PTPRM: variants seen among roughly 807,000 people sequenced by gnomAD.
The protein encoded by PTPRM is receptor-type tyrosine-protein phosphatase mu.
A neutral mutation model predicts 186.7 loss-of-function variants in PTPRM; 47 were observed. The ratio of observed to expected loss-of-function variants is 0.25; its 90% CI spans 0.20 to 0.32. The LOEUF is 0.32. Among genes scored for constraint, PTPRM ranks in the 10% least tolerant of loss-of-function variants. The pLI is 1.00. For missense variants in PTPRM, 1,494 were observed against 1,865.0 expected (o/e 0.80, Z 3.66); for synonymous variants, 668 against 674.9 (o/e 0.99, Z 0.16).
intron 14 of PTPRM, among the ~76,000 whole-genome samples, chr18:8,160,949 G>T (rs1467666764): frequency 6.6e-6 from 1 of 152,168 alleles, no homozygotes; most frequent in African/African-American, 2.4e-5. Context: ...AATGTTCTTT[G>T]TTCTTTATCC....
At chr18:7,672,616 T>C (rs2039243454) in intron 1 of PTPRM, among the ~76,000 whole-genome samples, 1 of 152,192 alleles carries the variant, frequency 6.6e-6, no homozygotes, top group African/African-American at 2.4e-5. Flanking sequence ...GCTGTGAGCT[T>C]ACATAGTCCT....
chr18:8,196,955 A>G (rs1251967746), intron 14 of PTPRM, among the ~76,000 whole-genome samples: 1 of 152,248 alleles, frequency 6.6e-6, no homozygotes, highest in Non-Finnish European at 1.5e-5. Flanking sequence ...AGAACCATGA[A>G]GGATGCTAAG....
At chr18:7,572,418 G>C (rs2036586523) in intron 1 of PTPRM, among the ~76,000 whole-genome samples, 1 of 152,106 alleles carries the variant, frequency 6.6e-6, no homozygotes, top group Admixed American at 6.5e-5. Context: ...GACAATTCTA[G>C]AAAAGTCAAT....
intron 14 of PTPRM, among the ~76,000 whole-genome samples, chr18:8,213,414 C>A (rs923516352): frequency 2.6e-5 from 4 of 152,162 alleles, no homozygotes; most frequent in African/African-American, 9.7e-5. Flanking sequence ...TTAACGGTCA[C>A]CCGTGTTTAT....
intron 20 of PTPRM, among the ~76,000 whole-genome samples, chr18:8,306,802 TTGTC>T (rs1331025829): frequency 1.4e-4 from 22 of 152,314 alleles, no homozygotes; most frequent in African/African-American, 5.3e-4. Flanking sequence ...TTTGGATTCT[TTGTC>T]TGAGTGTCTC....
intron 14 of PTPRM, among the ~76,000 whole-genome samples, chr18:8,149,719 G>A (rs1486948945): frequency 2.6e-5 from 4 of 152,158 alleles, no homozygotes; most frequent in African/African-American, 4.8e-5. Context: ...TTGCCCGTTA[G>A]TTCATATAAT....
At position 7,603,661 on chromosome 18, in the gene PTPRM, G is replaced by T. The variant is rs746468812; in HGVS notation, c.73+35770G>T. Among the ~76,000 whole-genome samples the T allele has an allele frequency of 6.7e-4, 102 of 152,336 alleles. No homozygotes were observed. In the Middle Eastern group the frequency reaches 0.017, roughly 25 times the overall value. ...TTTCTGTTCCTCCAACTTCCTTTCT[G>T]TAATGCCAGTTGGTAGCTTTGGCTT... On this transcript the variant is annotated intron_variant, in intron 1 of 32. Transcript: ENST00000580170.
chr18:8,085,793 A>G lies in PTPRM; in HGVS notation c.1674A>G (p.Thr558=), dbSNP rs2090401795. 2 of 1,613,556 alleles carry G rather than the reference A, an allele frequency of 1.2e-6. No homozygotes were observed. The highest frequency in any genetic ancestry group is 1.7e-6 in the Non-Finnish European group (2 of 1,179,648). ...FLFFGLYPGT[T]YSFTIRASTA... ...TTTTTGGACTGTATCCGGGGACCAC[A>G]TACTCCTTTACCATCCGAGCTAGCA... The change falls in exon 10 of 33, where the codon ACA becomes ACG. Residue 558 remains threonine (T), a synonymous_variant. Transcript: ENST00000580170.
chr18:7,650,036 C>T (rs913001470), intron 1 of PTPRM, among the ~76,000 whole-genome samples: 2 of 152,030 alleles, frequency 1.3e-5, no homozygotes, highest in African/African-American at 4.8e-5. Context: ...AATTATGTGA[C>T]TCAGTTTATT....
chr18:7,988,202 T>G (rs769931939), intron 7 of PTPRM, among the ~76,000 whole-genome samples: 1 of 151,848 alleles, frequency 6.6e-6, no homozygotes, highest in Non-Finnish European at 1.5e-5. Context: ...TCATTTCAAA[T>G]TCTGAGCTAG....
chr18:7,818,865 C>T (rs530568538), intron 2 of PTPRM, among the ~76,000 whole-genome samples: 98 of 152,242 alleles, frequency 6.4e-4, no homozygotes, highest in Non-Finnish European at 5.6e-4. Flanking sequence ...ATTCATGTTC[C>T]AGTAGAGCTG....
intron 1 of PTPRM, among the ~76,000 whole-genome samples, chr18:7,768,221 C>A (rs193054954): frequency 6.6e-6 from 1 of 152,100 alleles, no homozygotes; most frequent in Admixed American, 6.5e-5. Flanking sequence ...GTAGGATCTG[C>A]GCATGGTGGC....
At chr18:7,824,378 C>T (rs1180267546) in intron 2 of PTPRM, among the ~76,000 whole-genome samples, 2 of 152,078 alleles carry the variant, frequency 1.3e-5, no homozygotes, top group Non-Finnish European at 2.9e-5. Flanking sequence ...GTCTCAGGTG[C>T]ACCAGGCAGC....
At chr18:7,716,319 C>T (rs564238919) in intron 1 of PTPRM, among the ~76,000 whole-genome samples, 139 of 151,196 alleles carry the variant, frequency 9.2e-4, no homozygotes, top group African/African-American at 3.3e-3. Flanking sequence ...TGTAGAAAAC[C>T]TTTTACAAAA....
At chr18:8,033,227 G>T (rs568032627) in intron 7 of PTPRM, among the ~76,000 whole-genome samples, 3 of 152,022 alleles carry the variant, frequency 2.0e-5, no homozygotes, top group African/African-American at 7.2e-5. Flanking sequence ...ATTATAACAG[G>T]CAATTTGTGA....
rs757929460 is a variant in PTPRM, at chr18:7,894,502, C to A, written c.468+6125C>A. Among the ~76,000 whole-genome samples, 45 of 151,910 alleles carry A rather than the reference C, an allele frequency of 3.0e-4. 1 individual carries two copies. Among genetic ancestry groups the A allele is most frequent in the Non-Finnish European group, 5.7e-4 (39 of 68,000 alleles). On this transcript the variant is annotated intron_variant, in intron 3 of 32. Coordinates refer to ENST00000580170, the MANE Select transcript of PTPRM (RefSeq NM_001105244.2). The stretch of plus-strand genomic sequence containing the variant: ...TCGGGAGGCTGAGGCAGGAGAATGG[C>A]GTGAACCTGGCAGGCAGAGCTTGCA...
intron 23 of PTPRM, among the ~76,000 whole-genome samples, chr18:8,348,540 A>G (rs1183891368): frequency 3.9e-5 from 6 of 152,200 alleles, no homozygotes; most frequent in Non-Finnish European, 7.3e-5. Context: ...ATGGCGCTGG[A>G]ACGTGTTGTG....
intron 7 of PTPRM, among the ~76,000 whole-genome samples, chr18:7,992,109 G>A (rs925067194): frequency 2.0e-5 from 3 of 152,040 alleles, no homozygotes; most frequent in Non-Finnish European, 2.9e-5. Flanking sequence ...CCTCAGTACC[G>A]TGCCCTGAGT....
chr18:7,614,912 G>A (rs73939304), intron 1 of PTPRM, among the ~76,000 whole-genome samples: 86 of 152,224 alleles, frequency 5.6e-4, no homozygotes, highest in African/African-American at 1.8e-3. Flanking sequence ...TAAGAGAGAT[G>A]ATCAGTTTTT....
Sources: allele counts gnomAD v4.1 joint callset (sites outside exome capture counted in the v4.1 genomes callset), GRCh38; gene constraint gnomAD v4.1.1; transcripts MANE v1.5; gene names NCBI Gene and HGNC (gene_info 2026-07-23, HGNC 2026-07-21).